The following FREM1 variants were observed in gnomAD, a reference collection of about 807,000 sequenced individuals.
FREM1 encodes FRAS1-related extracellular matrix protein 1.
A neutral mutation model predicts 210.1 loss-of-function variants in FREM1; 220 were observed. The observed-to-expected ratio is 1.05, with a 90% CI of 0.94 to 1.17. The LOEUF is 1.17. FREM1 is among the 50% of genes most tolerant of loss of function. The probability of loss-of-function intolerance (pLI) is 0.00; values close to 1 mark genes in which losing one functional copy is unlikely to be tolerated. For missense variants in FREM1, 3,454 were observed against 2,675.5 expected, an observed-to-expected ratio of 1.29 and a Z score of -6.42; for synonymous variants, 1,189 against 980.2, an observed-to-expected ratio of 1.21 and a Z score of -3.98.
At chr9:14,897,611 G>C (rs1837974898) in intron 1 of FREM1, among the ~76,000 whole-genome samples, 1 of 148,114 alleles carries the variant, frequency 6.8e-6, no homozygotes, top group African/African-American at 2.5e-5. Flanking sequence ...TTTTTTAAGA[G>C]ACGGAGTCTT....
At chr9:14,905,926 A>G (rs1024872254) in intron 1 of FREM1, among the ~76,000 whole-genome samples, 51 of 151,950 alleles carry the variant, frequency 3.4e-4, no homozygotes, top group Admixed American at 3.3e-3. Context: ...GAATAAAGTG[A>G]GAACCAGGCT....
rs1470723494 is a variant in FREM1 at position 14,910,254 on chromosome 9, T to C, written c.-608A>G. ...AGGACTCCCTGTGAGAAGGGCATGA[T>C]AAAGATGCCTTCTACTGTTTACACA... On this transcript the variant is annotated 5_prime_UTR_variant, in exon 1 of 37. Transcript: ENST00000380880. The C allele has an allele frequency of 6.6e-6, 1 of 152,296 alleles. No homozygotes were observed. The highest frequency in any genetic ancestry group is 2.4e-5 in the African/African-American group (1 of 41,472). The allele number at this position is 152,296 out of a possible 1,614,324, so 9.4% of individuals were successfully genotyped here.
rs781275545 is a variant in FREM1 at position 14,807,981 on chromosome 9, G to A, written c.3047C>T (p.Thr1016Met). 53 of 1,613,672 alleles carry A rather than the reference G, an allele frequency of 3.3e-5. No homozygotes were observed. The highest frequency in any genetic ancestry group is 1.6e-4 in the Middle Eastern group (1 of 6,080). The change falls in exon 17 of 37, where the codon ACG becomes ATG. Residue 1016 changes from threonine (T) to methionine (M), a missense_variant. Coordinates refer to ENST00000380880, the MANE Select transcript of FREM1 (RefSeq NM_001379081.2). ...ASFPVYDLNI[T>M]VYPVDNQPPS... ...TGGCTGGTTGTCTACTGGGTATACC[G>A]TGATGTTGAGATCATACACTGGAAA...
At chr9:14,908,618 A>G (rs1487524453) in intron 1 of FREM1, among the ~76,000 whole-genome samples, 3 of 152,194 alleles carry the variant, frequency 2.0e-5, no homozygotes, top group African/African-American at 7.2e-5. Flanking sequence ...CAAGCATGCA[A>G]AACCATGTTG....
chr9:14,781,428 G>A (rs1052834497), intron 24 of FREM1, among the ~76,000 whole-genome samples: 1 of 152,094 alleles, frequency 6.6e-6, no homozygotes, highest in Non-Finnish European at 1.5e-5. Context: ...CCATATGCCT[G>A]TACTATGTGT....
chr9:14,747,416 C>G lies in FREM1; in HGVS notation c.5857G>C (p.Val1953Leu), dbSNP rs1202521017. The change falls in exon 33 of 37, where the codon GTT becomes CTT. Residue 1953 changes from valine (V) to leucine (L), a missense_variant. Physicochemically the swap from Val to Leu is conservative, Grantham distance 32 (BLOSUM62 1). Transcript: ENST00000380880. ...TDIIYNYHGIVSLKLEDDSFP... is the reference protein window; with the variant it reads ...TDIIYNYHGILSLKLEDDSFP... The stretch of plus-strand genomic sequence containing the variant: ...CTGTCATCCTCCAGTTTCAAGGAAA[C>G]TATCCCATGATACTTGAGGAAACCA... The G allele has an allele frequency of 1.2e-6, 2 of 1,613,188 alleles. No individual in the cohort carries two copies. Among genetic ancestry groups the G allele is most frequent in the Non-Finnish European group, 1.7e-6 (2 of 1,179,554 alleles).
intron 1 of FREM1, among the ~76,000 whole-genome samples, chr9:14,892,247 A>G (rs1836947212): frequency 2.0e-5 from 3 of 152,166 alleles, no homozygotes; most frequent in Admixed American, 6.5e-5. Flanking sequence ...TTATTCTGCA[A>G]ACCCCAAAGG....
At chr9:14,741,984 A>G (rs2131899764) in intron 35 of FREM1, among the ~76,000 whole-genome samples, 1 of 152,358 alleles carries the variant, frequency 6.6e-6, no homozygotes, top group Non-Finnish European at 1.5e-5. Context: ...TGAGATGGGA[A>G]GATAGCTCTG....
intron 35 of FREM1, among the ~76,000 whole-genome samples, chr9:14,745,750 A>T (rs1040161091): frequency 2.0e-5 from 3 of 152,204 alleles, no homozygotes; most frequent in Non-Finnish European, 4.4e-5. Flanking sequence ...AGGGTCAGGG[A>T]TAGGTACATA....
chr9:14,900,714 C>G (rs1014889190), intron 1 of FREM1, among the ~76,000 whole-genome samples: 2 of 152,158 alleles, frequency 1.3e-5, no homozygotes, highest in Admixed American at 1.3e-4. Context: ...GCTGGGATGG[C>G]CATCCCTGGA....
chr9:14,829,213 G>A (rs1205738416), intron 10 of FREM1, among the ~76,000 whole-genome samples: 1 of 152,134 alleles, frequency 6.6e-6, no homozygotes, highest in Admixed American at 6.5e-5. Flanking sequence ...TTACAGGTTG[G>A]TATCATGCTA....
chr9:14,804,230 T>A (rs1817916212), intron 19 of FREM1, among the ~76,000 whole-genome samples: 1 of 152,200 alleles, frequency 6.6e-6, no homozygotes, highest in Non-Finnish European at 1.5e-5. Context: ...TGCTTGCCCG[T>A]AACACACAGG....
rs1252540353 is a variant in FREM1 at position 14,841,563 on chromosome 9, T to C, written c.1765A>G (p.Arg589Gly). The change falls in exon 10 of 37, where the codon AGG becomes GGG. Residue 589 changes from arginine (R) to glycine (G), a missense_variant. Physicochemically the swap from Arg to Gly is moderately radical, Grantham distance 125 (BLOSUM62 -2). Transcript: ENST00000380880. Reference sequence around the variant, plus strand: ...TAAATGATTCCATTAAACAAATCCCTCTGAAGGAAGCCATGGACAGGATAG... The same window carrying C: ...TAAATGATTCCATTAAACAAATCCCCCTGAAGGAAGCCATGGACAGGATAG... ...IGYPVHGFLQ[R>G]DLFNGIIYYR... 1 of 1,609,902 alleles carries C rather than the reference T, an allele frequency of 6.2e-7. No individual in the cohort carries two copies. Among genetic ancestry groups the C allele is most frequent in the Admixed American group, 1.7e-5 (1 of 59,896 alleles).
In FREM1 at chr9:14,789,033, G is replaced by A. The variant is rs1850861858; in HGVS notation, c.4063C>T (p.His1355Tyr). Reference sequence around the variant, plus strand: ...TTCTGGGAATCCATTGCCCCGGTGTGTGTGTATCTCAGCAAGTTCAGATCC... The same window carrying A: ...TTCTGGGAATCCATTGCCCCGGTGTATGTGTATCTCAGCAAGTTCAGATCC... ...EVDLNLLRYT[H>Y]TGAMDSQNQD... The change falls in exon 23 of 37, where the codon CAC becomes TAC. Residue 1355 changes from histidine (H) to tyrosine (Y), a missense_variant. Coordinates refer to ENST00000380880, the MANE Select transcript of FREM1 (RefSeq NM_001379081.2). 1 of 1,611,182 alleles carries A rather than the reference G, an allele frequency of 6.2e-7. No homozygotes were observed. Among genetic ancestry groups the A allele is most frequent in the Non-Finnish European group, 8.5e-7 (1 of 1,178,734 alleles).
intron 25 of FREM1, among the ~76,000 whole-genome samples, chr9:14,773,729 T>C (rs940465143): frequency 3.9e-5 from 6 of 151,936 alleles, no homozygotes; most frequent in African/African-American, 4.8e-5. Context: ...TCTCTTACAA[T>C]AGCCATGCTC....
At chr9:14,877,065 T>G (rs1833891603) in intron 1 of FREM1, among the ~76,000 whole-genome samples, 1 of 152,192 alleles carries the variant, frequency 6.6e-6, no homozygotes, top group South Asian at 2.1e-4. Context: ...CCACTTTGTC[T>G]CCTTACCTGG....
intron 2 of FREM1, among the ~76,000 whole-genome samples, chr9:14,866,121 G>C (rs16932376): frequency 0.057 from 8,749 of 152,230 alleles, 304 homozygotes; most frequent in East Asian, 0.15. Context: ...GCAATAGCAG[G>C]CTAGGGAATC....
intron 28 of FREM1, 124 bp from the exon 29 acceptor site, chr9:14,756,570 T>C: frequency 1.6e-6 from 1 of 644,012 alleles, no homozygotes; most frequent in Non-Finnish European, 2.5e-6. Context: ...TTAGGTAGGG[T>C]TTTTAAAAAA....
In FREM1 at chr9:14,737,340, T is replaced by C. The variant is rs543980799; in HGVS notation, c.*56A>G. ...TTTTCTATGGAGCAATATTCACAGATCCTGTGAATAAATAGGTGACAAACT... is the reference window on the plus strand; with the variant it reads ...TTTTCTATGGAGCAATATTCACAGACCCTGTGAATAAATAGGTGACAAACT... On this transcript the variant is annotated 3_prime_UTR_variant, in exon 37 of 37. Transcript: ENST00000380880. 25 of 1,304,376 alleles carry C rather than the reference T, an allele frequency of 1.9e-5. No individual in the cohort carries two copies. Among genetic ancestry groups the C allele is most frequent in the Non-Finnish European group, 2.6e-5 (24 of 915,708 alleles). 80.8% of individuals were successfully genotyped at this position (1,304,376 alleles called of 1,614,324 possible). A position where few individuals can be genotyped will look rare whatever the true frequency, so the allele number is the denominator to read the frequency against.
Sources: gnomAD v4.1 joint callset for allele counts (sites outside exome capture counted in the v4.1 genomes callset) on GRCh38, gnomAD v4.1.1 for gene constraint, MANE v1.5 for transcripts, NCBI Gene and HGNC (gene_info 2026-07-23, HGNC 2026-07-21) for gene names.